TGFBR3: variants seen among roughly 807,000 people sequenced by gnomAD.
The protein encoded by TGFBR3 is transforming growth factor beta receptor 3, also known as transforming growth factor beta receptor type 3.
Under a neutral mutation model 87.9 loss-of-function variants are expected in TGFBR3, and 46 were observed. The ratio of observed to expected loss-of-function variants is 0.52; its 90% confidence interval spans 0.41 to 0.67. The LOEUF (loss-of-function observed/expected upper bound fraction) is 0.67. Among genes scored for constraint, TGFBR3 ranks in the 30% least tolerant of loss-of-function variants. The pLI is 0.00. For missense variants in TGFBR3, 866 were observed against 1,041.9 expected (o/e 0.83, Z 2.32); for synonymous variants, 381 against 391.6 (o/e 0.97, Z 0.32).
At chr1:91,821,383 C>A (rs1032255) in intron 2 of TGFBR3, among the ~76,000 whole-genome samples, 3 of 149,580 alleles carry the variant, frequency 2.0e-5, no homozygotes, top group Admixed American at 1.3e-4. Context: ...TACTTTTGCA[C>A]CAACCTAATA....
At chr1:91,835,016 C>T (rs1233432984) in intron 2 of TGFBR3, among the ~76,000 whole-genome samples, 1 of 152,140 alleles carries the variant, frequency 6.6e-6, no homozygotes, top group African/African-American at 2.4e-5. Flanking sequence ...AGCTCCTCCT[C>T]CAGGAAAGGA....
intron 2 of TGFBR3, among the ~76,000 whole-genome samples, chr1:91,833,223 G>A (rs1401282695): frequency 6.7e-6 from 1 of 150,278 alleles, no homozygotes; most frequent in African/African-American, 2.5e-5. Context: ...TTGAACCCAG[G>A]AGGCGGAGGT....
At chr1:91,872,706 G>C (rs1034572508) in intron 1 of TGFBR3, among the ~76,000 whole-genome samples, 1 of 152,122 alleles carries the variant, frequency 6.6e-6, no homozygotes. Context: ...TTTCTTTAAC[G>C]TTGTGTTTGC....
chr1:91,734,970 G>A lies in TGFBR3; in HGVS notation c.385-11C>T. 6.2e-7 allele frequency: 1 copy of A among 1,613,970 alleles called. No homozygotes were observed. On this transcript the variant is annotated splice_polypyrimidine_tract_variant and intron_variant, in intron 4 of 16. Transcript: ENST00000212355. ...AGAACCCTCAGACACCTAGAGGAAA[G>A]AGAATTGCGTATTTAACATGGTGCA...
At position 91,727,779 on chromosome 1, in the gene TGFBR3, A is replaced by G; in HGVS notation, c.765T>C (p.Asp255=). 1.2e-6 allele frequency: 2 copies of G among 1,614,014 alleles called. No individual in the cohort carries two copies. Among genetic ancestry groups the G allele is most frequent in the Non-Finnish European group, 1.7e-6 (2 of 1,179,988 alleles). Residue 255 remains aspartate (D), a synonymous_variant, in exon 7 of 17, where the codon GAT becomes GAC. Coordinates refer to ENST00000212355, the MANE Select transcript of TGFBR3 (RefSeq NM_003243.5). ...YSAFQVDITI[D]IRPSQEDLEV... ...CAAGATCCTCTTGAGAAGGTCTTAT[A>G]TCAATTGTTATATCCACCTGGAAAG...
At chr1:91,720,937 T>C (rs957176370) in intron 8 of TGFBR3, among the ~76,000 whole-genome samples, 7 of 152,198 alleles carry the variant, frequency 4.6e-5, no homozygotes, top group African/African-American at 1.4e-4. Flanking sequence ...AGATAAGAAA[T>C]AGCTGCATAG....
chr1:91,841,630 T>C (rs960620218), intron 2 of TGFBR3, among the ~76,000 whole-genome samples: 2 of 151,624 alleles, frequency 1.3e-5, no homozygotes, highest in African/African-American at 4.8e-5. Context: ...CCATCTCTGC[T>C]AAAAATACAA....
intron 3 of TGFBR3, among the ~76,000 whole-genome samples, chr1:91,761,200 A>C (rs1673949231): frequency 6.6e-6 from 1 of 152,256 alleles, no homozygotes; most frequent in Non-Finnish European, 1.5e-5. Context: ...TATGTATTTC[A>C]AATGAACAAG....
chr1:91,868,478 T>C (rs1314330600), intron 1 of TGFBR3, among the ~76,000 whole-genome samples: 5 of 152,012 alleles, frequency 3.3e-5, no homozygotes, highest in Non-Finnish European at 7.4e-5. Flanking sequence ...ACTGTCCAAA[T>C]GGTGGTGAAG....
chr1:91,750,131 C>A (rs574250226), intron 4 of TGFBR3, among the ~76,000 whole-genome samples: 1 of 152,170 alleles, frequency 6.6e-6, no homozygotes, highest in Non-Finnish European at 1.5e-5. Flanking sequence ...ACAGACATGA[C>A]GCAAGTCCAG....
intron 2 of TGFBR3, among the ~76,000 whole-genome samples, chr1:91,848,026 C>T (rs1209930690): frequency 1.3e-5 from 2 of 152,098 alleles, no homozygotes; most frequent in African/African-American, 2.4e-5. Context: ...GCAGGTGCAC[C>T]ACACTTACAG....
intron 16 of TGFBR3, 139 bp downstream of exon 16, chr1:91,695,533 A>T: frequency 2.5e-6 from 2 of 805,586 alleles, no homozygotes; most frequent in Non-Finnish European, 4.3e-6. Flanking sequence ...AACCCAATTT[A>T]TACCAAATAT....
intron 2 of TGFBR3, among the ~76,000 whole-genome samples, chr1:91,859,411 CT>C (rs113558784): frequency 0.19 from 16,957 of 90,850 alleles, 1,259 homozygotes; most frequent in East Asian, 0.44. Context: ...TTCTCTCTCT[CT>C]TTTTTTTTGG....
At chr1:91,876,908 A>AG (rs1220318249) in intron 1 of TGFBR3, among the ~76,000 whole-genome samples, 2 of 152,092 alleles carry the variant, frequency 1.3e-5, no homozygotes, top group Non-Finnish European at 2.9e-5. Context: ...GCAAAAAAAA[A>AG]AGCAACCCAA....
At chr1:91,755,113 C>T (rs1161308107) in intron 4 of TGFBR3, 2 of 152,092 alleles carry the variant, frequency 1.3e-5, no homozygotes, top group African/African-American at 2.4e-5. Flanking sequence ...CCAGAGATCC[C>T]GTGGGCCCTC....
At chr1:91,764,027 A>G (rs2100911324) in intron 3 of TGFBR3, among the ~76,000 whole-genome samples, 1 of 152,170 alleles carries the variant, frequency 6.6e-6, no homozygotes, top group Middle Eastern at 3.4e-3. Context: ...CTGAATTTCT[A>G]GAAGAATATT....
chr1:91,807,880 G>A (rs1392816387), intron 2 of TGFBR3, among the ~76,000 whole-genome samples: 1 of 152,132 alleles, frequency 6.6e-6, no homozygotes, highest in Non-Finnish European at 1.5e-5. Flanking sequence ...TTCTATGACA[G>A]GCTTGACTTA....
At chr1:91,780,627 T>C (rs1254814280) in intron 3 of TGFBR3, among the ~76,000 whole-genome samples, 3 of 146,966 alleles carry the variant, frequency 2.0e-5, no homozygotes, top group Non-Finnish European at 3.0e-5. Flanking sequence ...TGGCATGATA[T>C]TGGCTCACTG....
At chr1:91,740,605 T>C (rs1011409467) in intron 4 of TGFBR3, among the ~76,000 whole-genome samples, 2 of 152,184 alleles carry the variant, frequency 1.3e-5, no homozygotes, top group African/African-American at 2.4e-5. Flanking sequence ...CCTCAGGTGA[T>C]CCACCTGCCT....
Sources: gnomAD v4.1 joint callset for allele counts (sites outside exome capture counted in the v4.1 genomes callset) on GRCh38, gnomAD v4.1.1 for gene constraint, MANE v1.5 for transcripts, NCBI Gene and HGNC (gene_info 2026-07-23, HGNC 2026-07-21) for gene names.